MACROD2: variants seen among roughly 807,000 people sequenced by gnomAD.
MACROD2 encodes the protein mono-ADP ribosylhydrolase 2.
Under a neutral mutation model 70.4 loss-of-function variants are expected in MACROD2, and 36 were observed. That is an observed-to-expected ratio of 0.51 (90% CI 0.39 to 0.68). MACROD2 has a LOEUF of 0.68. Among genes scored for constraint, MACROD2 ranks in the 30% least tolerant of loss-of-function variants. The pLI is 0.00. For synonymous variants in MACROD2, 172 were observed against 178.8 expected, an observed-to-expected ratio of 0.96 and a Z score of 0.30; for missense variants, 496 against 538.4, an observed-to-expected ratio of 0.92 and a Z score of 0.78.
chr20:14,340,333 C>T (rs1484590659), intron 3 of MACROD2, among the ~76,000 whole-genome samples: 1 of 152,156 alleles, frequency 6.6e-6, no homozygotes, highest in African/African-American at 2.4e-5. Flanking sequence ...ATTACTTAAT[C>T]TCTTTGAGTT....
intron 5 of MACROD2, among the ~76,000 whole-genome samples, chr20:15,042,376 T>TTATATAA (rs2075362882): frequency 6.6e-6 from 1 of 152,236 alleles, no homozygotes; most frequent in African/African-American, 2.4e-5. Context: ...TGGTACATGT[T>TTATATAA]CTCATCTGTG....
At chr20:15,098,899 G>T (rs144473162) in intron 5 of MACROD2, among the ~76,000 whole-genome samples, 7 of 152,202 alleles carry the variant, frequency 4.6e-5, no homozygotes, top group Non-Finnish European at 1.0e-4. Context: ...AATTTTCTCC[G>T]TAGAAAATTG....
chr20:15,491,005 C>A (rs536999709), intron 7 of MACROD2, among the ~76,000 whole-genome samples: 1 of 152,316 alleles, frequency 6.6e-6, no homozygotes, highest in South Asian at 2.1e-4. Context: ...CTTTTCTCTT[C>A]TACTTTCCAT....
At chr20:15,929,932 A>G (rs1216519907) in intron 10 of MACROD2, among the ~76,000 whole-genome samples, 4 of 152,244 alleles carry the variant, frequency 2.6e-5, no homozygotes, top group Non-Finnish European at 5.9e-5. Context: ...GGACACAACC[A>G]GTAGAATTCT....
intron 4 of MACROD2, among the ~76,000 whole-genome samples, chr20:14,494,818 G>A (rs2084835838): frequency 6.6e-6 from 1 of 152,048 alleles, no homozygotes; most frequent in Admixed American, 6.6e-5. Flanking sequence ...GGAACTAGAA[G>A]GGAAAATTTT....
At chr20:14,764,178 C>A (rs754734400) in intron 5 of MACROD2, among the ~76,000 whole-genome samples, 1 of 152,068 alleles carries the variant, frequency 6.6e-6, no homozygotes, top group Non-Finnish European at 1.5e-5. Flanking sequence ...TTGGGATATT[C>A]TTTTCCCGCC....
chr20:15,539,297 G>GA (rs2047921948), intron 8 of MACROD2, among the ~76,000 whole-genome samples: 2 of 152,240 alleles, frequency 1.3e-5, no homozygotes, highest in South Asian at 4.1e-4. Flanking sequence ...TCAGTGACAA[G>GA]AAGGAGCATG....
intron 5 of MACROD2, among the ~76,000 whole-genome samples, chr20:15,022,114 TA>T (rs1297704922): frequency 6.6e-6 from 1 of 152,176 alleles, no homozygotes; most frequent in Admixed American, 6.6e-5. Context: ...TCCTTTCTAA[TA>T]TTTTTTGGTG....
chr20:15,746,140 A>G (rs1433921882), intron 8 of MACROD2, among the ~76,000 whole-genome samples: 2 of 152,130 alleles, frequency 1.3e-5, no homozygotes, highest in Non-Finnish European at 2.9e-5. Context: ...ATTGGGCTTT[A>G]TAATTCACGA....
chr20:14,462,310 T>C (rs950595044), intron 3 of MACROD2, among the ~76,000 whole-genome samples: 3 of 152,128 alleles, frequency 2.0e-5, no homozygotes, highest in African/African-American at 7.2e-5. Context: ...TTTCATGTGT[T>C]TTTTGGCTGC....
intron 16 of MACROD2, among the ~76,000 whole-genome samples, chr20:16,043,186 T>C (rs2067331052): frequency 6.6e-6 from 1 of 152,072 alleles, no homozygotes; most frequent in South Asian, 2.1e-4. Flanking sequence ...TTGGAGGTTG[T>C]TGGCCTAGAG....
At chr20:15,519,162 G>A (rs2047614910) in intron 8 of MACROD2, among the ~76,000 whole-genome samples, 1 of 149,314 alleles carries the variant, frequency 6.7e-6, no homozygotes, top group South Asian at 2.1e-4. Context: ...CCAGGCTGGA[G>A]TGCAGTGGCA....
At chr20:15,405,574 C>T (rs1303253072) in intron 6 of MACROD2, among the ~76,000 whole-genome samples, 1 of 152,174 alleles carries the variant, frequency 6.6e-6, no homozygotes, top group African/African-American at 2.4e-5. Context: ...TGAGCTCTAG[C>T]TTTGTCCCAG....
At chr20:15,346,526 C>T (rs1403270784) in intron 6 of MACROD2, among the ~76,000 whole-genome samples, 3 of 152,212 alleles carry the variant, frequency 2.0e-5, no homozygotes, top group East Asian at 3.9e-4. Flanking sequence ...TTCCATTCTT[C>T]GTTCATAGAG....
intron 5 of MACROD2, among the ~76,000 whole-genome samples, chr20:14,765,020 A>T (rs1435677191): frequency 6.6e-6 from 1 of 152,078 alleles, no homozygotes; most frequent in South Asian, 2.1e-4. Flanking sequence ...CTGCCTTACC[A>T]GCTGAACCGG....
At chr20:15,385,816 A>T (rs2045705229) in intron 6 of MACROD2, among the ~76,000 whole-genome samples, 1 of 152,330 alleles carries the variant, frequency 6.6e-6, no homozygotes, top group East Asian at 1.9e-4. Flanking sequence ...AAAATTATTT[A>T]TTTAAGTAAA....
At chr20:15,907,396 G>A (rs2065163684) in intron 10 of MACROD2, among the ~76,000 whole-genome samples, 1 of 152,172 alleles carries the variant, frequency 6.6e-6, no homozygotes, top group Non-Finnish European at 1.5e-5. Flanking sequence ...GTCCAACTTT[G>A]GTTAAGTTTG....
chr20:14,509,949 A>T (rs1442587507), intron 4 of MACROD2, among the ~76,000 whole-genome samples: 1 of 152,048 alleles, frequency 6.6e-6, no homozygotes, highest in Non-Finnish European at 1.5e-5. Flanking sequence ...ATCAGATATT[A>T]AAGTTGCAAA....
chr20:14,527,740 G>A (rs1376137909), intron 4 of MACROD2, among the ~76,000 whole-genome samples: 2 of 152,130 alleles, frequency 1.3e-5, no homozygotes, highest in African/African-American at 4.8e-5. Context: ...ATTTCTTAGT[G>A]ACCTGTTAGA....
Sources: allele counts gnomAD v4.1 joint callset (sites outside exome capture counted in the v4.1 genomes callset), GRCh38; gene constraint gnomAD v4.1.1; transcripts MANE v1.5; gene names NCBI Gene and HGNC (gene_info 2026-07-23, HGNC 2026-07-21).